Variants in FBN2 observed in about 807,000 individuals in gnomAD.
The protein encoded by FBN2 is fibrillin 2, also known as fibrillin-2.
A neutral mutation model predicts 355.6 loss-of-function variants in FBN2; 105 were observed. That is an observed-to-expected ratio of 0.30 (90% CI 0.25 to 0.35). The LOEUF is 0.35. Ranked by LOEUF, FBN2 falls within the 10% of genes least tolerant of loss-of-function variation. The pLI is 1.00. For synonymous variants in FBN2, 1,350 were observed against 1,301.2 expected, an observed-to-expected ratio of 1.04 and a Z score of -0.81; for missense variants, 3,280 against 3,758.7, an observed-to-expected ratio of 0.87 and a Z score of 3.33.
At chr5:128,528,491 C>T (rs1372732637) in intron 3 of FBN2, among the ~76,000 whole-genome samples, 1 of 152,150 alleles carries the variant, frequency 6.6e-6, no homozygotes, top group East Asian at 1.9e-4. Flanking sequence ...TGGCACTAGA[C>T]AAGACCACTC....
intron 16 of FBN2, 85 bp downstream of exon 16, chr5:128,369,097 T>A: frequency 7.5e-7 from 1 of 1,329,136 alleles, no homozygotes; most frequent in Non-Finnish European, 1.1e-6. Context: ...ATGAAACACT[T>A]AAGAGCTGAT....
intron 5 of FBN2, among the ~76,000 whole-genome samples, chr5:128,484,295 T>C (rs1368474719): frequency 6.6e-6 from 1 of 152,170 alleles, no homozygotes; most frequent in Admixed American, 6.5e-5. Flanking sequence ...TAGAAGAGAT[T>C]AGTAAAAAGG....
intron 4 of FBN2, among the ~76,000 whole-genome samples, chr5:128,526,708 A>T (rs1227962861): frequency 6.6e-6 from 1 of 152,064 alleles, no homozygotes; most frequent in Admixed American, 6.6e-5. Flanking sequence ...GAAGTAAATG[A>T]TGGTTGCCCG....
rs1180283767 is a variant in FBN2, at chr5:128,318,232, C to A, written c.4634G>T (p.Gly1545Val). 1 of 1,613,758 alleles carries A rather than the reference C, an allele frequency of 6.2e-7. No homozygotes were observed. The highest frequency in any genetic ancestry group is 8.5e-7 in the Non-Finnish European group (1 of 1,179,836). Reference sequence around the variant, plus strand: ...GCGACCAGGCGTGTTGACACATAGGCCATTGACACAGTTTATAGGATCTGC... The same window carrying A: ...GCGACCAGGCGTGTTGACACATAGGACATTGACACAGTTTATAGGATCTGC... The part of the protein sequence containing the change: ...ECADPINCVN[G>V]LCVNTPGRYE... Residue 1545 changes from glycine to valine, a missense_variant, in exon 36 of 65, where the codon GGC (glycine) becomes GTC (valine). Gly to Val is a moderately radical substitution (Grantham distance 109). Around this residue, in one of 6 missense-constraint regions of FBN2, gnomAD observed 2,284 missense variants for 2,749.5 expected, o/e 0.83. Transcript: ENST00000262464.
In FBN2 at chr5:128,318,995, T is replaced by C; in HGVS notation, c.4478A>G (p.Asp1493Gly). 6.2e-7 allele frequency: 1 copy of C among 1,607,572 alleles called. No individual in the cohort carries two copies. Among genetic ancestry groups the C allele is most frequent in the Non-Finnish European group, 8.5e-7 (1 of 1,174,286 alleles). The change falls in exon 35 of 65, where the codon GAT (aspartate) becomes GGT (glycine). Residue 1493 changes from aspartate to glycine, a missense_variant. Coordinates refer to ENST00000262464, the MANE Select transcript of FBN2 (RefSeq NM_001999.4). Reference protein sequence around the residue: ...ASDSRSCQDIDECSFQNICVF... With the variant: ...ASDSRSCQDIGECSFQNICVF... ...ACAAATGTTTTGGAAGGAGCATTCA[T>C]CAATATCTGAAGATTTTAAAAAAAA... is the stretch of plus-strand genomic sequence containing the variant.
chr5:128,351,151 G>A, intron 20 of FBN2, 146 bp from the exon 21 acceptor site: 1 of 963,094 alleles, frequency 1.0e-6, no homozygotes, highest in Non-Finnish European at 1.6e-6. Context: ...GGGAGGCTGA[G>A]GAGGAAGGAT....
chr5:128,285,963 T>C (rs1238454431), intron 55 of FBN2, among the ~76,000 whole-genome samples: 3 of 152,318 alleles, frequency 2.0e-5, no homozygotes, highest in South Asian at 2.1e-4. Flanking sequence ...AGAAATTTCA[T>C]GTACAGTAAG....
intron 5 of FBN2, among the ~76,000 whole-genome samples, chr5:128,467,887 T>TA (rs1754755394): frequency 6.6e-6 from 1 of 152,216 alleles, no homozygotes; most frequent in Non-Finnish European, 1.5e-5. Flanking sequence ...TTATTCACAT[T>TA]AAAAAATTAG....
At chr5:128,475,060 A>C (rs1020560418) in intron 5 of FBN2, among the ~76,000 whole-genome samples, 1 of 152,110 alleles carries the variant, frequency 6.6e-6, no homozygotes, top group Admixed American at 6.6e-5. Flanking sequence ...CTGATGGCCC[A>C]GTGGTGGTGG....
At chr5:128,383,918 C>T (rs1235482618) in intron 11 of FBN2, among the ~76,000 whole-genome samples, 1 of 151,998 alleles carries the variant, frequency 6.6e-6, no homozygotes, top group Admixed American at 6.6e-5. Context: ...TCTTCTCACA[C>T]AATCCAGCCA....
chr5:128,537,249 G>T, intron 1 of FBN2, 101 bp downstream of exon 1: 1 of 1,535,202 alleles, frequency 6.5e-7, no homozygotes, highest in Admixed American at 1.9e-5. Flanking sequence ...CTAGGCTCCA[G>T]CTAAAGGGTC....
chr5:128,376,588 A>T, intron 14 of FBN2, 143 bp downstream of exon 14: 1 of 949,418 alleles, frequency 1.1e-6, no homozygotes, highest in East Asian at 2.5e-5. Context: ...AGAAAGCTTT[A>T]GACACCTGCC....
In FBN2 at chr5:128,278,008, G is replaced by A. The variant is rs1439389862; in HGVS notation, c.7346-3C>T. ...CATTACCTTACATTCATCAATATCT[G>A]TGGACCAAAACAACAAAAACAATCA... On this transcript the variant is annotated splice_region_variant and splice_polypyrimidine_tract_variant and intron_variant, in intron 57 of 64. Transcript: ENST00000262464. The A allele has an allele frequency of 1.9e-6, 3 of 1,613,944 alleles. No individual in the cohort carries two copies. Among genetic ancestry groups the A allele is most frequent in the Admixed American group, 1.7e-5 (1 of 60,004 alleles).
chr5:128,479,968 CTCTCTCTCTATATATATA>C (rs1346126018), intron 5 of FBN2, among the ~76,000 whole-genome samples: 23 of 29,208 alleles, frequency 7.9e-4, no homozygotes, highest in South Asian at 5.0e-3. Flanking sequence ...CTCTCTCTCT[CTCTCTCTCTATATATATA>C]TATATATATA....
intron 12 of FBN2, 144 bp downstream of exon 12, chr5:128,378,627 G>A: frequency 1.1e-6 from 1 of 873,390 alleles, no homozygotes; most frequent in Non-Finnish European, 1.8e-6. Flanking sequence ...GTTTAAAGGA[G>A]AATCTCTGAG....
intron 20 of FBN2, 65 bp from the exon 21 acceptor site, chr5:128,351,070 C>A: frequency 2.5e-6 from 4 of 1,576,728 alleles, no homozygotes; most frequent in Non-Finnish European, 3.5e-6. Context: ...CAGCTGTGTA[C>A]ACAAAAGGCA....
In FBN2 at chr5:128,387,695, G is replaced by A. The variant is rs1421416983; in HGVS notation, c.1603+4323C>T. Among the ~76,000 whole-genome samples, 3 of 152,012 alleles carry A rather than the reference G, an allele frequency of 2.0e-5. No homozygotes were observed. In the East Asian group the frequency reaches 5.8e-4, roughly 29 times the overall value. Reference sequence around the variant, plus strand: ...TTAGTTATTAAAATTTTATTATGCTGTGGTCTGAGAGTGTGGTTGGTATAA... The same window carrying A: ...TTAGTTATTAAAATTTTATTATGCTATGGTCTGAGAGTGTGGTTGGTATAA... On this transcript the variant is annotated intron_variant, in intron 11 of 64. Coordinates refer to ENST00000262464, the MANE Select transcript of FBN2 (RefSeq NM_001999.4).
intron 34 of FBN2, 23 bp downstream of exon 34, chr5:128,328,673 G>A (rs764695956): frequency 3.7e-6 from 6 of 1,613,502 alleles, no homozygotes; most frequent in Non-Finnish European, 8.5e-7. Flanking sequence ...ACTTGAAAAT[G>A]AGTTGGAATC....
At chr5:128,421,638 A>G (rs1753352465) in intron 7 of FBN2, among the ~76,000 whole-genome samples, 1 of 152,198 alleles carries the variant, frequency 6.6e-6, no homozygotes, top group Non-Finnish European at 1.5e-5. Context: ...GTTGAGATGA[A>G]TAATATAAAA....
Sources: allele counts gnomAD v4.1 joint callset (sites outside exome capture counted in the v4.1 genomes callset), GRCh38; gene constraint gnomAD v4.1.1; regional missense constraint gnomAD v4.1.1; transcripts MANE v1.5; gene names NCBI Gene and HGNC (gene_info 2026-07-23, HGNC 2026-07-21).